SSUH2: variants seen among roughly 807,000 people sequenced by gnomAD.
SSUH2 encodes the protein protein SSUH2 homolog.
Under a neutral mutation model 55.3 loss-of-function variants are expected in SSUH2, and 47 were observed. The ratio of observed to expected loss-of-function variants is 0.85; its 90% CI spans 0.67 to 1.08. SSUH2 has a LOEUF of 1.08. SSUH2 is among the 50% of genes least tolerant of loss of function. The pLI is 0.00. For synonymous variants in SSUH2, 212 were observed against 191.5 expected (o/e 1.11, Z -0.89); for missense variants, 535 against 490.7 (o/e 1.09, Z -0.85).
At chr3:8,638,012 G>T (rs149325715) in intron 1 of SSUH2, among the ~76,000 whole-genome samples, 1 of 152,156 alleles carries the variant, frequency 6.6e-6, no homozygotes, top group African/African-American at 2.4e-5. Flanking sequence ...GTGAAAATAG[G>T]TGGTGGGTCC....
intron 7 of SSUH2, among the ~76,000 whole-genome samples, chr3:8,656,515 G>A (rs950805701): frequency 2.0e-5 from 3 of 152,150 alleles, no homozygotes; most frequent in East Asian, 1.9e-4. Flanking sequence ...ACCCAGGGAC[G>A]GAGCAACAGC....
chr3:8,672,558 C>G (rs1704711692), intron 3 of SSUH2, among the ~76,000 whole-genome samples: 1 of 152,112 alleles, frequency 6.6e-6, no homozygotes. Context: ...AGCCTCTCCT[C>G]TCCATGGATA....
Position 8,673,179 on chromosome 3 carries a change from C to A in SSUH2, c.-752-1144G>T, listed in dbSNP as rs531474424. Among the ~76,000 whole-genome samples the A allele has an allele frequency of 3.3e-5, 5 of 151,756 alleles. No homozygotes were observed. In the South Asian group the frequency reaches 1.0e-3, roughly 32 times the overall value. On this transcript the variant is annotated intron_variant, in intron 3 of 18. Transcript: ENST00000317371. Reference sequence around the variant, plus strand: ...TAAGATCAATATCACTTATTAATACCAGGCATCATTAATATTAATCATTTA... The same window carrying A: ...TAAGATCAATATCACTTATTAATACAAGGCATCATTAATATTAATCATTTA...
At chr3:8,653,158 C>A (rs1702596316) in intron 7 of SSUH2, among the ~76,000 whole-genome samples, 1 of 152,144 alleles carries the variant, frequency 6.6e-6, no homozygotes, top group Non-Finnish European at 1.5e-5. Context: ...CAAACCTGGT[C>A]ATCCATCTGG....
intron 7 of SSUH2, among the ~76,000 whole-genome samples, chr3:8,628,477 G>A (rs917427547): frequency 2.0e-5 from 3 of 152,174 alleles, no homozygotes; most frequent in African/African-American, 4.8e-5. Context: ...GTTGAATAGC[G>A]GCCCTTCCAA....
intron 6 of SSUH2, among the ~76,000 whole-genome samples, chr3:8,661,503 A>G (rs1216388648): frequency 6.6e-6 from 1 of 152,182 alleles, no homozygotes; most frequent in Admixed American, 6.5e-5. Context: ...GGAACTGTGA[A>G]GGCAATGAGA....
At chr3:8,657,302 A>AT (rs59076403) in intron 7 of SSUH2, among the ~76,000 whole-genome samples, 90,520 of 152,010 alleles carry the variant, frequency 0.6, 27,793 homozygotes, top group East Asian at 0.85. Flanking sequence ...TATTTGTTGA[A>AT]TAGGTGAGTG....
chr3:8,630,847 T>A lies in SSUH2; in HGVS notation c.483A>T (p.Glu161Asp), dbSNP rs773824761. Residue 161 changes from glutamate (E) to aspartate (D), a missense_variant, in exon 6 of 12, where the codon GAA becomes GAT. Physicochemically the swap from Glu to Asp is conservative, Grantham distance 45. Coordinates refer to ENST00000544814, the MANE Select transcript of SSUH2 (RefSeq NM_001256748.3). ...GAGGGACCTGGAACTTCCTGGTGTC[T>A]TCCTGAAACATCGGAGGACCTTGAA... ...IKVQGPPMFQEDTRKFQVPHS... is the reference protein window; with the variant it reads ...IKVQGPPMFQDDTRKFQVPHS... The A allele has an allele frequency of 1.0e-5, 15 of 1,505,816 alleles. 1 individual carries two copies. In the South Asian group the frequency reaches 2.0e-4, roughly 21 times the overall value. 93.3% of individuals were successfully genotyped at this position (1,505,816 alleles called of 1,614,324 possible).
intron 6 of SSUH2, chr3:8,659,763 T>C (rs1260620783): frequency 1.3e-5 from 6 of 456,508 alleles, no homozygotes; most frequent in South Asian, 9.3e-5. Flanking sequence ...TGGGTATTTA[T>C]TGTGTGCAGT....
chr3:8,653,364 C>T (rs1453600998), intron 7 of SSUH2, among the ~76,000 whole-genome samples: 1 of 152,212 alleles, frequency 6.6e-6, no homozygotes, highest in Non-Finnish European at 1.5e-5. Flanking sequence ...AACTAATGGT[C>T]ACCCCACCTC....
At chr3:8,669,800 T>G (rs781512461) in intron 5 of SSUH2, among the ~76,000 whole-genome samples, 3 of 152,164 alleles carry the variant, frequency 2.0e-5, no homozygotes, top group Non-Finnish European at 4.4e-5. Context: ...ATGCCTGACC[T>G]GTACTCTTCA....
Position 8,656,027 on chromosome 3 carries a change from T to G in SSUH2, c.-307+2898A>C, listed in dbSNP as rs113365296. Among the ~76,000 whole-genome samples, 596 of 152,220 alleles carry G rather than the reference T, an allele frequency of 3.9e-3. 3 individuals are homozygous for G. The highest frequency in any genetic ancestry group is 0.014 in the African/African-American group (576 of 41,442). On this transcript the variant is annotated intron_variant, in intron 7 of 18. Coordinates refer to the SSUH2 transcript ENST00000317371. ...CTGCTATGAAAACAAAGTTTCTAGT[T>G]GTTGGGTGGTTTGTTCTGTTTTTTA... is the stretch of plus-strand genomic sequence containing the variant.
intron 6 of SSUH2, 132 bp downstream of exon 6, chr3:8,630,673 T>G: frequency 1.2e-6 from 1 of 827,070 alleles, no homozygotes; most frequent in Non-Finnish European, 1.7e-6. Flanking sequence ...CGTTTATTTA[T>G]AACCAACAAA....
intron 10 of SSUH2, among the ~76,000 whole-genome samples, chr3:8,623,979 C>T (rs566557588): frequency 2.6e-5 from 4 of 151,888 alleles, no homozygotes; most frequent in East Asian, 1.9e-4. Context: ...ACACGTGTAG[C>T]GGGAAAGGAA....
intron 10 of SSUH2, 25 bp downstream of exon 10, chr3:8,625,517 G>C (rs757172345): frequency 1.4e-6 from 2 of 1,474,334 alleles, no homozygotes; most frequent in Non-Finnish European, 9.5e-7. Flanking sequence ...AGCTTCCTTT[G>C]TTCCCATCTA....
rs1267791012 is a variant in SSUH2 at position 8,679,113 on chromosome 3, T to C, written c.-901+592A>G. Among the ~76,000 whole-genome samples the C allele has an allele frequency of 4.4e-5, 4 of 91,464 alleles. 1 individual carries two copies. The highest frequency in any genetic ancestry group is 4.2e-4 in the Admixed American group (4 of 9,496). The allele number at this position is 91,464 out of a possible 152,430, so 60.0% of individuals were successfully genotyped here. On this transcript the variant is annotated intron_variant, in intron 2 of 18. Coordinates refer to the SSUH2 transcript ENST00000317371. ...AAGCACCTCTTTCCCCCCTGGCTCT[T>C]AGGACCCAAATTGCGGGGGGGAGGC...
intron 6 of SSUH2, chr3:8,659,740 T>C: frequency 2.2e-6 from 1 of 456,210 alleles, no homozygotes; most frequent in Non-Finnish European, 4.4e-6. Context: ...CATATATGTA[T>C]TCATTCATTC....
In SSUH2 at chr3:8,629,699, G is replaced by A. The variant is rs777857400; in HGVS notation, c.553C>T (p.Arg185Trp). Reference protein sequence around the residue: ...KECHKCHGRGRYKCSGCHGAG... With the variant: ...KECHKCHGRGWYKCSGCHGAG... Reference sequence around the variant, plus strand: ...CCGTGGCAGCCGCTGCACTTGTACCGCCCACGCCCATGGCATTTGTGGCAT... The same window carrying A: ...CCGTGGCAGCCGCTGCACTTGTACCACCCACGCCCATGGCATTTGTGGCAT... Residue 185 changes from arginine to tryptophan, a missense_variant, in exon 7 of 12, where the codon CGG becomes TGG. By Grantham distance (101) the Arg-to-Trp change is moderately radical. Coordinates refer to ENST00000544814, the MANE Select transcript of SSUH2 (RefSeq NM_001256748.3). 5.8e-5 allele frequency: 89 copies of A among 1,542,890 alleles called. No homozygotes were observed. Among genetic ancestry groups the A allele is most frequent in the South Asian group, 1.5e-4 (13 of 86,952 alleles).
chr3:8,660,985 G>A (rs1703423501), intron 6 of SSUH2, among the ~76,000 whole-genome samples: 1 of 152,224 alleles, frequency 6.6e-6, no homozygotes. Context: ...TGCCAGGACA[G>A]TGAGCAGGAT....
Sources: gnomAD v4.1 joint callset for allele counts (sites outside exome capture counted in the v4.1 genomes callset) on GRCh38, gnomAD v4.1.1 for gene constraint, MANE v1.5 for transcripts, NCBI Gene and HGNC (gene_info 2026-07-23, HGNC 2026-07-21) for gene names.